Variants in RRAS2 observed in about 807,000 individuals in gnomAD.
The protein encoded by RRAS2 is ras-related protein R-Ras2.
A neutral mutation model predicts 27.6 loss-of-function variants in RRAS2; 7 were observed. The ratio of observed to expected loss-of-function variants is 0.25; its 90% CI spans 0.14 to 0.48. The LOEUF is 0.48. Ranked by LOEUF, RRAS2 falls within the 20% of genes least tolerant of loss-of-function variation. RRAS2 has a pLI of 0.99. For synonymous variants in RRAS2, 86 were observed against 90.9 expected (o/e 0.95, Z 0.31); for missense variants, 178 against 256.2 (o/e 0.69, Z 2.08).
chr11:14,358,758 G>T lies in RRAS2; in HGVS notation c.108+5C>A. 2 of 1,415,210 alleles carry T rather than the reference G, an allele frequency of 1.4e-6. No homozygotes were observed. Among genetic ancestry groups the T allele is most frequent in the Non-Finnish European group, 9.3e-7 (1 of 1,071,472 alleles). 87.7% of individuals were successfully genotyped at this position (1,415,210 alleles called of 1,614,324 possible). A position where few individuals can be genotyped will look rare whatever the true frequency, so the allele number is the denominator to read the frequency against. On this transcript the variant is annotated splice_donor_5th_base_variant and intron_variant, in intron 1 of 5. Coordinates refer to ENST00000256196, the MANE Select transcript of RRAS2 (RefSeq NM_012250.6). This position sits in a 1 kb window ranked among gnomAD's most constrained non-coding sequence, Gnocchi z 5.1. ...CGGCGCCCCGGGCAGGCCCGCTCCAGGTACCTGGATGAACTGGATGGTGAG... is the reference window on the plus strand; with the variant it reads ...CGGCGCCCCGGGCAGGCCCGCTCCATGTACCTGGATGAACTGGATGGTGAG...
intron 1 of RRAS2, among the ~76,000 whole-genome samples, chr11:14,344,719 A>G (rs1848791961): frequency 6.6e-6 from 1 of 152,202 alleles, no homozygotes; most frequent in African/African-American, 2.4e-5. Context: ...ACTGTTGTAT[A>G]CTTCCCAAGT....
intron 1 of RRAS2, among the ~76,000 whole-genome samples, chr11:14,315,037 A>G (rs182777233): frequency 1.1e-3 from 175 of 152,332 alleles, no homozygotes; most frequent in African/African-American, 4.0e-3. Context: ...TTTTGTTATA[A>G]AAAGCAAAAG....
chr11:14,354,398 A>G (rs1554955208), intron 1 of RRAS2: 1 of 152,210 alleles, frequency 6.6e-6, no homozygotes, highest in African/African-American at 2.4e-5. Context: ...ACTAACCCCA[A>G]AATTAAATGC....
At position 14,359,070 on chromosome 11, in the gene RRAS2, G is replaced by A; in HGVS notation, c.-200C>T. ...GGCTGGGTACCGCCCGAGGCGCGGAGAAGCGGGGTGACGGCACGGGCCAGG... is the reference window on the plus strand; with the variant it reads ...GGCTGGGTACCGCCCGAGGCGCGGAAAAGCGGGGTGACGGCACGGGCCAGG... On this transcript the variant is annotated 5_prime_UTR_variant, in exon 1 of 6. Transcript: ENST00000256196. 2 of 1,096,730 alleles carry A rather than the reference G, an allele frequency of 1.8e-6. No individual in the cohort carries two copies. The highest frequency in any genetic ancestry group is 5.4e-5 in the East Asian group (1 of 18,360). The allele number at this position is 1,096,730 out of a possible 1,614,324, so 67.9% of individuals were successfully genotyped here.
chr11:14,347,993 T>C (rs1848874415), intron 1 of RRAS2, among the ~76,000 whole-genome samples: 1 of 152,084 alleles, frequency 6.6e-6, no homozygotes, highest in South Asian at 2.1e-4. Flanking sequence ...AGATTAGAGT[T>C]TATGGACAAA....
chr11:14,345,230 C>T (rs1848805359), intron 1 of RRAS2, among the ~76,000 whole-genome samples: 1 of 152,090 alleles, frequency 6.6e-6, no homozygotes, highest in Non-Finnish European at 1.5e-5. Context: ...AAGTGATCTG[C>T]CCTACTCAGC....
chr11:14,282,738 T>A (rs1345519465), intron 4 of RRAS2, among the ~76,000 whole-genome samples: 2 of 152,160 alleles, frequency 1.3e-5, no homozygotes, highest in African/African-American at 2.4e-5. Flanking sequence ...CAATGATACA[T>A]AGTTTTTAAC....
intron 1 of RRAS2, among the ~76,000 whole-genome samples, chr11:14,347,715 C>T (rs1229309208): frequency 6.6e-6 from 1 of 152,076 alleles, no homozygotes; most frequent in Non-Finnish European, 1.5e-5. Flanking sequence ...CTTTGGCAGG[C>T]AGAGGCAGGA....
intron 1 of RRAS2, among the ~76,000 whole-genome samples, chr11:14,298,523 T>C (rs1359106036): frequency 1.3e-5 from 2 of 152,234 alleles, no homozygotes; most frequent in African/African-American, 2.4e-5. Flanking sequence ...GTCTTAACTC[T>C]TGAAACACAA....
chr11:14,325,638 T>C (rs140840551), intron 1 of RRAS2, among the ~76,000 whole-genome samples: 132 of 152,352 alleles, frequency 8.7e-4, no homozygotes, highest in African/African-American at 2.8e-3. Flanking sequence ...ATTAAGTTTG[T>C]AGATTAACAA....
intron 1 of RRAS2, among the ~76,000 whole-genome samples, chr11:14,301,268 A>AT (rs1167984128): frequency 1.3e-5 from 2 of 152,148 alleles, no homozygotes; most frequent in East Asian, 1.9e-4. Context: ...ATTAAAATTA[A>AT]TTTTTTCTAA....
At chr11:14,303,663 T>A (rs1466004425) in intron 1 of RRAS2, among the ~76,000 whole-genome samples, 1 of 152,136 alleles carries the variant, frequency 6.6e-6, no homozygotes. Context: ...TCAATACTCA[T>A]CTAAATTAAA....
intron 1 of RRAS2, among the ~76,000 whole-genome samples, chr11:14,325,612 T>A (rs1848337017): frequency 6.6e-6 from 1 of 152,180 alleles, no homozygotes; most frequent in African/African-American, 2.4e-5. Context: ...TTTCAATATT[T>A]TTATTTTAGA....
rs1849135028 is a variant in RRAS2, at chr11:14,358,641, TG to T, written c.108+121del. The T allele has an allele frequency of 2.8e-5, 27 of 960,564 alleles. No homozygotes were observed. The highest frequency in any genetic ancestry group is 3.3e-5 in the Non-Finnish European group (27 of 807,780). The allele number at this position is 960,564 out of a possible 1,614,324, so 59.5% of individuals were successfully genotyped here. On this transcript the variant is annotated intron_variant, in intron 1 of 5. Coordinates refer to ENST00000256196, the MANE Select transcript of RRAS2 (RefSeq NM_012250.6). This position sits in a 1 kb window ranked among gnomAD's most constrained non-coding sequence, Gnocchi z 5.1. ...GTCGGCCCCGCGCCCTCCCGCCCCCTGGCCCCGGCCCGGGCCCGCGAGGCGC... is the reference window on the plus strand; with the variant it reads ...GTCGGCCCCGCGCCCTCCCGCCCCCTGCCCCGGCCCGGGCCCGCGAGGCGC...
intron 1 of RRAS2, among the ~76,000 whole-genome samples, chr11:14,355,207 A>G (rs1216715277): frequency 6.6e-6 from 1 of 152,094 alleles, no homozygotes; most frequent in Non-Finnish European, 1.5e-5. Flanking sequence ...AAATTTGTTC[A>G]ACCAAACCCA....
At chr11:14,283,942 T>C (rs1591441304) in intron 4 of RRAS2, among the ~76,000 whole-genome samples, 1 of 152,176 alleles carries the variant, frequency 6.6e-6, no homozygotes, top group Non-Finnish European at 1.5e-5. Context: ...CAAGCAATCC[T>C]CCTGCCTCAG....
chr11:14,327,582 C>A (rs1374466479), intron 1 of RRAS2, among the ~76,000 whole-genome samples: 2 of 152,112 alleles, frequency 1.3e-5, no homozygotes, highest in Non-Finnish European at 2.9e-5. Context: ...TCTTTCTCTA[C>A]CCCCCTTTCT....
intron 1 of RRAS2, among the ~76,000 whole-genome samples, chr11:14,298,649 T>C (rs1217128229): frequency 2.0e-5 from 3 of 152,216 alleles, no homozygotes; most frequent in Non-Finnish European, 2.9e-5. Flanking sequence ...CACCCAATCT[T>C]TGCTGTGTCC....
At chr11:14,287,972 T>A (rs1849710213) in intron 4 of RRAS2, among the ~76,000 whole-genome samples, 1 of 152,000 alleles carries the variant, frequency 6.6e-6, no homozygotes, top group Non-Finnish European at 1.5e-5. Context: ...GTGCTTCACT[T>A]GTTTTTGTTT....
Sources: gnomAD v4.1 joint callset for allele counts (sites outside exome capture counted in the v4.1 genomes callset) on GRCh38, gnomAD v4.1.1 for gene constraint, Gnocchi (gnomAD v3.1) non-coding constraint, MANE v1.5 for transcripts, NCBI Gene and HGNC (gene_info 2026-07-23, HGNC 2026-07-21) for gene names.